SMARCAL1: variants seen among roughly 807,000 people sequenced by gnomAD.
SMARCAL1 encodes SNF2 related chromatin remodeling annealing helicase 1.
A neutral mutation model predicts 94.5 loss-of-function variants in SMARCAL1; 58 were observed. The ratio of observed to expected loss-of-function variants is 0.61; its 90% CI spans 0.50 to 0.76. The LOEUF (loss-of-function observed/expected upper bound fraction) is 0.76. Among genes scored for constraint, SMARCAL1 ranks in the 30% least tolerant of loss-of-function variants. The probability of loss-of-function intolerance (pLI) is 0.00; values close to 1 mark genes in which losing one functional copy is unlikely to be tolerated. For missense variants in SMARCAL1, 1,051 were observed against 1,177.9 expected (o/e 0.89, Z 1.58); for synonymous variants, 422 against 455.1 (o/e 0.93, Z 0.93).
At chr2:216,470,085 T>C (rs967309408) in intron 14 of SMARCAL1, among the ~76,000 whole-genome samples, 5 of 152,208 alleles carry the variant, frequency 3.3e-5, no homozygotes, top group Admixed American at 6.6e-5. Flanking sequence ...GTTTTTTTCT[T>C]ACTGATTTAG....
At chr2:216,450,780 C>T in intron 11 of SMARCAL1, 66 bp from the exon 12 acceptor site, 6 of 1,358,594 alleles carry the variant, frequency 4.4e-6, no homozygotes, top group Non-Finnish European at 5.3e-6. Context: ...TCCCGGGATC[C>T]CAAGTCCCTG....
chr2:216,473,918 A>G (rs1201817478), intron 14 of SMARCAL1, among the ~76,000 whole-genome samples: 3 of 152,106 alleles, frequency 2.0e-5, no homozygotes, highest in Non-Finnish European at 4.4e-5. Context: ...TATTTGTAGT[A>G]GCCCCAAACT....
intron 12 of SMARCAL1, among the ~76,000 whole-genome samples, chr2:216,456,398 T>A (rs1338179334): frequency 6.6e-6 from 1 of 152,146 alleles, no homozygotes; most frequent in African/African-American, 2.4e-5. Flanking sequence ...AATTGTCAGA[T>A]TCACCAAAGT....
chr2:216,434,851 ATTTTTTTTTTT>A (rs11408208), intron 8 of SMARCAL1, among the ~76,000 whole-genome samples: 3 of 117,406 alleles, frequency 2.6e-5, no homozygotes, highest in Admixed American at 9.8e-5. Context: ...ACAACTCTCT[ATTTTTTTTTTT>A]TTTTTTTTTC....
At chr2:216,460,784 A>T (rs1694680909) in intron 12 of SMARCAL1, among the ~76,000 whole-genome samples, 1 of 152,082 alleles carries the variant, frequency 6.6e-6, no homozygotes, top group Admixed American at 6.5e-5. Context: ...ATGTATACAT[A>T]TGTAACAAAC....
At chr2:216,438,361 C>T in intron 9 of SMARCAL1, 59 bp from the exon 10 acceptor site, 1 of 1,441,196 alleles carries the variant, frequency 6.9e-7, no homozygotes, top group Non-Finnish European at 9.8e-7. Flanking sequence ...CTAAAGTGAC[C>T]CATATTTCTG....
At chr2:216,424,578 G>A (rs1693790923) in intron 6 of SMARCAL1, among the ~76,000 whole-genome samples, 1 of 152,182 alleles carries the variant, frequency 6.6e-6, no homozygotes, top group South Asian at 2.1e-4. Context: ...GGGCTTCAAT[G>A]TGAGGGAAAA....
rs1694440661 is a variant in SMARCAL1 at position 216,451,053 on chromosome 2, A to G, written c.2059A>G (p.Lys687Glu). Residue 687 changes from lysine to glutamate, a missense_variant, in exon 12 of 18, where the codon AAG becomes GAG. Around this residue, in one of 3 missense-constraint regions of SMARCAL1, gnomAD observed 642 missense variants for 754.7 expected, o/e 0.85. Transcript: ENST00000357276. ...LDAAAKEMTT[K>E]DKTKQQQKDA... is the part of the protein sequence containing the mutation. The stretch of plus-strand genomic sequence containing the variant: ...TGCTGCAGCCAAGGAAATGACCACC[A>G]AGGACAAAACTGTGAGTCCAGGGCT... 2 of 1,613,928 alleles carry G rather than the reference A, an allele frequency of 1.2e-6. No individual in the cohort carries two copies. Among genetic ancestry groups the G allele is most frequent in the Non-Finnish European group, 8.5e-7 (1 of 1,179,902 alleles).
At chr2:216,425,490 AG>A (rs1693813051) in intron 6 of SMARCAL1, among the ~76,000 whole-genome samples, 1 of 152,186 alleles carries the variant, frequency 6.6e-6, no homozygotes, top group African/African-American at 2.4e-5. Flanking sequence ...GCTCCCAGAA[AG>A]GTTGCCACTC....
intron 3 of SMARCAL1, chr2:216,415,884 A>AGTTTCATTGGTCTGGAAAGGC (rs1330344240): frequency 3.6e-5 from 14 of 384,424 alleles, no homozygotes; most frequent in Non-Finnish European, 6.3e-5. Flanking sequence ...TGACAGGCCC[A>AGTTTCATTGGTCTGGAAAGGC]GTTTCATTGG....
chr2:216,420,571 G>A (rs1156441244), intron 5 of SMARCAL1, 39 bp downstream of exon 5: 1 of 1,512,524 alleles, frequency 6.6e-7, no homozygotes, highest in East Asian at 2.3e-5. Flanking sequence ...AGAATGTGTA[G>A]TGGTCTGTGA....
At chr2:216,478,174 A>G (rs1360729924) in intron 16 of SMARCAL1, 29 bp from the exon 17 acceptor site, 1 of 1,570,108 alleles carries the variant, frequency 6.4e-7, no homozygotes, top group Admixed American at 1.7e-5. Context: ...TGCAGGTTGT[A>G]TTCACTGCAG....
chr2:216,434,715 T>A (rs2106035926), intron 8 of SMARCAL1, among the ~76,000 whole-genome samples: 1 of 151,546 alleles, frequency 6.6e-6, no homozygotes, highest in East Asian at 1.9e-4. Flanking sequence ...TATGGTGGTG[T>A]GCACCTGTAG....
At chr2:216,429,070 A>T (rs191446017) in intron 7 of SMARCAL1, among the ~76,000 whole-genome samples, 2 of 152,382 alleles carry the variant, frequency 1.3e-5, no homozygotes, top group Admixed American at 1.3e-4. Flanking sequence ...GAGAAAATCC[A>T]GCATCTCTAA....
rs146327711 is a variant in SMARCAL1, at chr2:216,464,151, G to A, written c.2071-446G>A. 7.6e-3 allele frequency among the ~76,000 whole-genome samples: 1,153 copies of A among 152,314 alleles called. 7 individuals carry two copies. Among genetic ancestry groups the A allele is most frequent in the African/African-American group, 0.026 (1,082 of 41,570 alleles). ...GACAGAGGTAAGCTCTGTAAGTCAG[G>A]TATAGTCACAGCTTGGCAGAAGAAA... On this transcript the variant is annotated intron_variant, in intron 12 of 17. Coordinates refer to ENST00000357276, the MANE Select transcript of SMARCAL1 (RefSeq NM_014140.4).
intron 12 of SMARCAL1, among the ~76,000 whole-genome samples, chr2:216,458,615 T>C (rs1694625692): frequency 6.6e-6 from 1 of 152,184 alleles, no homozygotes; most frequent in Non-Finnish European, 1.5e-5. Context: ...AGAAAAGGCC[T>C]TTAACAAAAT....
chr2:216,477,326 A>G, intron 16 of SMARCAL1, 117 bp downstream of exon 16: 5 of 815,444 alleles, frequency 6.1e-6, no homozygotes, highest in South Asian at 4.4e-5. Flanking sequence ...TTAAGGATCT[A>G]TAGAAAATTG....
intron 7 of SMARCAL1, among the ~76,000 whole-genome samples, chr2:216,429,753 G>A (rs895045130): frequency 5.9e-5 from 9 of 152,078 alleles, no homozygotes; most frequent in African/African-American, 1.9e-4. Flanking sequence ...TTTGGGTCTC[G>A]GTGTGCCGTT....
intron 13 of SMARCAL1, among the ~76,000 whole-genome samples, chr2:216,465,712 A>G (rs1694816514): frequency 6.6e-6 from 1 of 151,838 alleles, no homozygotes; most frequent in African/African-American, 2.4e-5. Flanking sequence ...TTTAACATTC[A>G]TGTGATGCTC....
Sources: gnomAD v4.1 joint callset for allele counts (sites outside exome capture counted in the v4.1 genomes callset) on GRCh38, gnomAD v4.1.1 for gene constraint, gnomAD v4.1.1 regional missense constraint, MANE v1.5 for transcripts, NCBI Gene and HGNC (gene_info 2026-07-23, HGNC 2026-07-21) for gene names.